Variants in CCDC180 observed in about 807,000 individuals in gnomAD.
CCDC180 encodes the protein coiled-coil domain containing 180, also known as coiled-coil domain-containing protein 180.
Under a neutral mutation model 209.2 loss-of-function variants are expected in CCDC180, and 154 were observed. The observed-to-expected ratio is 0.74, with a 90% CI of 0.65 to 0.84. The LOEUF is 0.84. Ranked by LOEUF, CCDC180 falls within the 40% of genes least tolerant of loss-of-function variation. The probability of loss-of-function intolerance (pLI) is 0.00; values close to 1 mark genes in which losing one functional copy is unlikely to be tolerated. For synonymous variants in CCDC180, 778 were observed against 749.1 expected, an observed-to-expected ratio of 1.04 and a Z score of -0.63; for missense variants, 1,874 against 1,997.3, an observed-to-expected ratio of 0.94 and a Z score of 1.18.
chr9:97,365,425 G>A (rs1007874315), intron 29 of CCDC180: 1 of 469,658 alleles, frequency 2.1e-6, no homozygotes, highest in Admixed American at 3.5e-5. Context: ...TTAAAGCCAG[G>A]TGGTCAGAAA....
At position 97,330,780 on chromosome 9, in the gene CCDC180, C is replaced by T. The variant is rs368969595; in HGVS notation, c.2274+13C>T. ...ATCTGTGGGTGAGGTAAGCCAGCAA[C>T]TGATTCATTCTTGGGCATAGAGAAA... is the stretch of plus-strand genomic sequence containing the variant. On this transcript the variant is annotated intron_variant, in intron 18 of 36. Coordinates refer to ENST00000529487, the MANE Select transcript of CCDC180 (RefSeq NM_020893.6). 6 of 1,584,970 alleles carry T rather than the reference C, an allele frequency of 3.8e-6. No homozygotes were observed. The African/African-American group carries it at 8.1e-5, about 21-fold the overall frequency.
In CCDC180 at chr9:97,378,460, A is replaced by G. The variant is rs6478131; in HGVS notation, c.*1566A>G. On this transcript the variant is annotated 3_prime_UTR_variant, in exon 37 of 37. Transcript: ENST00000529487. Reference sequence around the variant, plus strand: ...GGTCCTTGCACACATACACAACTTGAGACCAACAGGTCACAGGACAGCACT... The same window carrying G: ...GGTCCTTGCACACATACACAACTTGGGACCAACAGGTCACAGGACAGCACT... The G allele has an allele frequency of 0.55, 83,548 of 152,052 alleles. 24,389 individuals are homozygous for G. The highest frequency in any genetic ancestry group is 0.73 in the African/African-American group (30,483 of 41,490). 9.4% of individuals were successfully genotyped at this position (152,052 alleles called of 1,614,324 possible). A position where few individuals can be genotyped will look rare whatever the true frequency, so the allele number is the denominator to read the frequency against.
At position 97,349,176 on chromosome 9, in the gene CCDC180, A is replaced by G. The variant is rs906799969; in HGVS notation, c.2740A>G (p.Lys914Glu). 5 of 1,536,412 alleles carry G rather than the reference A, an allele frequency of 3.3e-6. No individual in the cohort carries two copies. Among genetic ancestry groups the G allele is most frequent in the Middle Eastern group, 1.7e-4 (1 of 5,990 alleles). Residue 914 changes from lysine (K) to glutamate (E), a missense_variant, in exon 21 of 37, where the codon AAG becomes GAG. Physicochemically the swap from Lys to Glu is moderately conservative, Grantham distance 56. Coordinates refer to ENST00000529487, the MANE Select transcript of CCDC180 (RefSeq NM_020893.6). The stretch of plus-strand genomic sequence containing the variant: ...TGCTGGGGTGACCGAGACGCTGAAG[A>G]AGAAGCGGCTGATGTTCTGCCAGTT... ...HCAGVTETLK[K>E]KRLMFCQFQE...
rs1192284394 is a variant in CCDC180, at chr9:97,314,734, T to A, written c.699+6T>A. Reference sequence around the variant, plus strand: ...AGTTCTCCCGAACCGATAAAGTAAGTCGGCTGCAGGTGGGCTGTGTGGTGA... The same window carrying A: ...AGTTCTCCCGAACCGATAAAGTAAGACGGCTGCAGGTGGGCTGTGTGGTGA... On this transcript the variant is annotated splice_donor_region_variant and intron_variant, in intron 7 of 36. Transcript: ENST00000529487. 6.2e-7 allele frequency: 1 copy of A among 1,612,854 alleles called. No individual in the cohort carries two copies. The highest frequency in any genetic ancestry group is 8.5e-7 in the Non-Finnish European group (1 of 1,179,298).
At position 97,330,351 on chromosome 9, in the gene CCDC180, G is replaced by A. The variant is rs921251361; in HGVS notation, c.1858G>A (p.Val620Met). ...ACATGAAAAACCCTCCCAGAAGAGA[G>A]TGAAAAAACTGAGGAAGAAGCAAGG... ...EAHEKPSQKR[V>M]KKLRKKQGSK... The change falls in exon 18 of 37, where the codon GTG (valine) becomes ATG (methionine). Residue 620 changes from valine (V) to methionine (M), a missense_variant. Val to Met is a conservative substitution (Grantham distance 21). Transcript: ENST00000529487. The A allele has an allele frequency of 6.2e-7, 1 of 1,613,910 alleles. No individual in the cohort carries two copies. The highest frequency in any genetic ancestry group is 1.3e-5 in the African/African-American group (1 of 74,882).
chr9:97,322,392 A>G (rs1833384464), intron 11 of CCDC180, among the ~76,000 whole-genome samples: 1 of 152,228 alleles, frequency 6.6e-6, no homozygotes, highest in South Asian at 2.1e-4. Flanking sequence ...TGAGTTTATT[A>G]TAAGCTGGGA....
intron 18 of CCDC180, 31 bp downstream of exon 18, chr9:97,330,798 T>C (rs1237658807): frequency 1.3e-6 from 2 of 1,566,246 alleles, no homozygotes; most frequent in East Asian, 2.2e-5. Flanking sequence ...TTCTTGGGCA[T>C]AGAGAAAGTT....
chr9:97,313,561 A>G (rs1173260912), intron 5 of CCDC180, among the ~76,000 whole-genome samples: 2 of 152,184 alleles, frequency 1.3e-5, no homozygotes, highest in Non-Finnish European at 2.9e-5. Flanking sequence ...CCTACAGGTC[A>G]TGTGCTGTTG....
Position 97,307,968 on chromosome 9 carries a change from AT to A in CCDC180, c.-81-12del. ...CCTGAACCTGAGTTTGGGACGGGCG[AT>A]TTCCCAACCTCAGGAATTGGAATTG... On this transcript the variant is annotated splice_polypyrimidine_tract_variant and intron_variant, in intron 1 of 36. Transcript: ENST00000529487. The A allele has an allele frequency of 6.3e-7, 1 of 1,584,620 alleles. No homozygotes were observed. Among genetic ancestry groups the A allele is most frequent in the Non-Finnish European group, 8.6e-7 (1 of 1,163,902 alleles).
At chr9:97,355,354 C>T (rs1389424532) in intron 24 of CCDC180, among the ~76,000 whole-genome samples, 1 of 152,012 alleles carries the variant, frequency 6.6e-6, no homozygotes, top group East Asian at 1.9e-4. Context: ...TGGGGTCTCC[C>T]TATGTTGCCC....
chr9:97,310,761 C>A (rs1173198524), intron 3 of CCDC180, among the ~76,000 whole-genome samples: 1 of 152,080 alleles, frequency 6.6e-6, no homozygotes, highest in Admixed American at 6.5e-5. Flanking sequence ...CCAGGAAAGC[C>A]ACCCCCAAAA....
chr9:97,378,552 T>TA lies in CCDC180; in HGVS notation c.*1660dup, dbSNP rs35174253. 0.2 allele frequency: 30,675 copies of TA among 152,216 alleles called. 3,409 individuals are homozygous for TA. The highest frequency in any genetic ancestry group is 0.39 in the East Asian group (2,037 of 5,162). 9.4% of individuals were successfully genotyped at this position (152,216 alleles called of 1,614,324 possible). ...CTTTTTAAATCCTAGCCCAGTCCAC[T>TA]AACTCAGTTCATGGCCCACAAAGGG... On this transcript the variant is annotated 3_prime_UTR_variant, in exon 37 of 37. Transcript: ENST00000529487.
At chr9:97,375,753 C>G in intron 36 of CCDC180, 164 bp downstream of exon 36, 1 of 774,408 alleles carries the variant, frequency 1.3e-6, no homozygotes, top group Non-Finnish European at 2.0e-6. Flanking sequence ...AGGACAGTCA[C>G]CATTCACAGG....
At chr9:97,338,389 A>G (rs542303166) in intron 18 of CCDC180, among the ~76,000 whole-genome samples, 3 of 152,164 alleles carry the variant, frequency 2.0e-5, no homozygotes, top group African/African-American at 4.8e-5. Context: ...TTCAAAGAGC[A>G]TCTTTATTTC....
At chr9:97,353,683 G>T (rs1274609877) in intron 22 of CCDC180, among the ~76,000 whole-genome samples, 1 of 152,154 alleles carries the variant, frequency 6.6e-6, no homozygotes, top group African/African-American at 2.4e-5. Context: ...AGGTTTTTTG[G>T]GTCACTCCAG....
At chr9:97,336,153 G>A (rs1825898103) in intron 18 of CCDC180, among the ~76,000 whole-genome samples, 1 of 152,148 alleles carries the variant, frequency 6.6e-6, no homozygotes, top group African/African-American at 2.4e-5. Flanking sequence ...CTGTGCAGAA[G>A]CTCTTTAGTT....
At position 97,366,130 on chromosome 9, in the gene CCDC180, A is replaced by T. The variant is rs1045993046; in HGVS notation, c.4047+391A>T. On this transcript the variant is annotated intron_variant, in intron 30 of 36. Transcript: ENST00000529487. The surrounding 1 kb of genome is among the most constrained non-coding windows in gnomAD (Gnocchi z 4.3). ...AGTGCCCTGTTCCCACATGCCCTGC[A>T]CCGTAGTGCGAGTGCCTTCTCCTGT... Among the ~76,000 whole-genome samples, 2 of 152,134 alleles carry T rather than the reference A, an allele frequency of 1.3e-5. No homozygotes were observed.
In CCDC180 at chr9:97,377,387, G is replaced by GA. The variant is rs3214890; in HGVS notation, c.*504dup. 0.4 allele frequency: 59,795 copies of GA among 149,658 alleles called. 12,536 individuals are homozygous for GA. The highest frequency in any genetic ancestry group is 0.53 in the South Asian group (2,533 of 4,744). 9.3% of individuals were successfully genotyped at this position (149,658 alleles called of 1,614,324 possible). On this transcript the variant is annotated 3_prime_UTR_variant, in exon 37 of 37. Transcript: ENST00000529487. ...TGTCTGAGCAAATTGCAATATTTTG[G>GA]AAAAAAAAAAATCTTCCAGGCTCCT...
chr9:97,323,057 C>G, intron 12 of CCDC180, 136 bp downstream of exon 12: 1 of 655,120 alleles, frequency 1.5e-6, no homozygotes. Context: ...TAGCCTCCAT[C>G]CAAGCTTTTC....
Sources: allele counts gnomAD v4.1 joint callset (sites outside exome capture counted in the v4.1 genomes callset), GRCh38; gene constraint gnomAD v4.1.1; non-coding constraint Gnocchi (gnomAD v3.1); transcripts MANE v1.5; gene names NCBI Gene and HGNC (gene_info 2026-07-23, HGNC 2026-07-21).